BCCIP: variants seen among roughly 807,000 people sequenced by gnomAD.
The protein encoded by BCCIP is BRCA2 and CDKN1A interacting protein.
A neutral mutation model predicts 32.8 loss-of-function variants in BCCIP; 23 were observed. That is an observed-to-expected ratio of 0.70 (90% confidence interval 0.51 to 0.99). BCCIP has a LOEUF of 0.99. Ranked by LOEUF, BCCIP falls within the 50% of genes least tolerant of loss-of-function variation. The pLI is 0.00. For synonymous variants in BCCIP, 144 were observed against 137.6 expected (o/e 1.05, Z -0.33); for missense variants, 378 against 379.8 (o/e 1.00, Z 0.04).
At chr10:125,828,396 T>A (rs1238584207) in intron 3 of BCCIP, among the ~76,000 whole-genome samples, 1 of 151,972 alleles carries the variant, frequency 6.6e-6, no homozygotes, top group South Asian at 2.1e-4. Flanking sequence ...GTCGTAGAAG[T>A]GATTGAGATT....
intron 7 of BCCIP, among the ~76,000 whole-genome samples, chr10:125,851,897 A>C (rs1419809274): frequency 1.4e-5 from 2 of 142,854 alleles, no homozygotes; most frequent in African/African-American, 5.2e-5. Flanking sequence ...CTCCAGTTTG[A>C]GCAACAGAGC....
At chr10:125,834,412 G>C (rs1360261822) in intron 6 of BCCIP, among the ~76,000 whole-genome samples, 1 of 152,100 alleles carries the variant, frequency 6.6e-6, no homozygotes, top group Non-Finnish European at 1.5e-5. Flanking sequence ...CATCCTGCTG[G>C]TGGGATATCT....
chr10:125,827,781 G>A, intron 3 of BCCIP, 143 bp downstream of exon 3: 2 of 551,292 alleles, frequency 3.6e-6, no homozygotes, highest in Non-Finnish European at 6.5e-6. Flanking sequence ...ACCATCCTGG[G>A]CAATATAGCA....
At chr10:125,842,544 C>T (rs1326664561) in exon 7 of BCCIP, 1 of 152,284 alleles carries the variant, frequency 6.6e-6, no homozygotes, top group African/African-American at 2.4e-5. Context: ...CCACCTGACA[C>T]AGCTATACAG....
At chr10:125,830,877 T>G (rs530456022) in intron 4 of BCCIP, among the ~76,000 whole-genome samples, 1 of 152,310 alleles carries the variant, frequency 6.6e-6, no homozygotes, top group South Asian at 2.1e-4. Context: ...CATCTGGCTT[T>G]GCAGTCCTGA....
chr10:125,841,092 G>A, downstream of BCCIP: 4 of 1,439,422 alleles, frequency 2.8e-6, no homozygotes, highest in Non-Finnish European at 1.9e-6. Flanking sequence ...TTAGTGGCAT[G>A]GCTCCTGTCT....
intron 7 of BCCIP, among the ~76,000 whole-genome samples, chr10:125,850,808 G>A (rs1273224847): frequency 1.3e-5 from 2 of 152,190 alleles, no homozygotes; most frequent in African/African-American, 2.4e-5. Flanking sequence ...ACCAAAATGA[G>A]TTCTGCCTCT....
At chr10:125,850,358 T>TTTC (rs1564825656) in intron 7 of BCCIP, among the ~76,000 whole-genome samples, 1 of 147,444 alleles carries the variant, frequency 6.8e-6, no homozygotes, top group Non-Finnish European at 1.5e-5. Flanking sequence ...TTCTTTCTTT[T>TTTC]TTTTTTTTTT....
At chr10:125,853,434 TAATA>T in exon 8 of BCCIP, 1 of 319,590 alleles carries the variant, frequency 3.1e-6, no homozygotes, top group Non-Finnish European at 5.6e-6. Context: ...AATTTAAAAG[TAATA>T]AAGAATATTT....
chr10:125,840,136 C>G (rs767554810), downstream of BCCIP, among the ~76,000 whole-genome samples: 1 of 152,238 alleles, frequency 6.6e-6, no homozygotes, highest in African/African-American at 2.4e-5. Context: ...AGGGACCTTA[C>G]TGGCTGCCCT....
chr10:125,826,443 G>C, intron 1 of BCCIP, 148 bp from the exon 2 acceptor site: 1 of 1,277,878 alleles, frequency 7.8e-7, no homozygotes, highest in Non-Finnish European at 1.0e-6. Flanking sequence ...TGAGTGTTTT[G>C]TTTTCTCAGG....
At chr10:125,824,708 C>T (rs924714114) in intron 1 of BCCIP, among the ~76,000 whole-genome samples, 2 of 152,188 alleles carry the variant, frequency 1.3e-5, no homozygotes, top group Admixed American at 6.5e-5. Flanking sequence ...TTTTTGTTCC[C>T]CTACAATCAG....
intron 1 of BCCIP, chr10:125,825,860 G>A (rs1358703819): frequency 6.6e-6 from 1 of 152,242 alleles, no homozygotes; most frequent in African/African-American, 2.4e-5. Flanking sequence ...TCTAGATTCT[G>A]TTGTCTTGCA....
chr10:125,823,893 T>C (rs559888799), intron 1 of BCCIP, among the ~76,000 whole-genome samples, 171 bp downstream of exon 1: 1 of 152,290 alleles, frequency 6.6e-6, no homozygotes, highest in Non-Finnish European at 1.5e-5. Context: ...ACTGCAGCCA[T>C]AGTAGTTATT....
At chr10:125,851,937 AAAAAG>A (rs796600155) in intron 7 of BCCIP, among the ~76,000 whole-genome samples, 3 of 151,364 alleles carry the variant, frequency 2.0e-5, no homozygotes, top group Admixed American at 6.6e-5. Context: ...AAAAAAAAAA[AAAAAG>A]AAAAGAAAAA....
intron 5 of BCCIP, among the ~76,000 whole-genome samples, chr10:125,832,816 T>A (rs1447186831): frequency 1.5e-5 from 2 of 134,100 alleles, no homozygotes; most frequent in African/African-American, 2.7e-5. Flanking sequence ...TTTTTTTTCT[T>A]TTTTTTTTTT....
intron 3 of BCCIP, 75 bp from the exon 4 acceptor site, chr10:125,830,487 A>G: frequency 3.2e-6 from 3 of 931,840 alleles, no homozygotes; most frequent in Non-Finnish European, 3.1e-6. Flanking sequence ...AATGAGGCCT[A>G]CATCCCAAGA....
chr10:125,825,702 A>C lies in BCCIP; in HGVS notation c.166-889A>C, dbSNP rs1264711098. ...TAAGACCTAAATTCTGAAACCGTTA[A>C]AACCTGAAGTGCCTTTAAATATATT... is the stretch of plus-strand genomic sequence containing the variant. On this transcript the variant is annotated intron_variant, in intron 1 of 6. Coordinates refer to ENST00000278100, the MANE Select transcript of BCCIP (RefSeq NM_078468.3). 2.6e-5 allele frequency: 4 copies of C among 152,232 alleles called. No homozygotes were observed. The East Asian group carries it at 7.7e-4, about 29-fold the overall frequency. 9.4% of individuals were successfully genotyped at this position (152,232 alleles called of 1,614,324 possible). A position where few individuals can be genotyped will look rare whatever the true frequency, so the allele number is the denominator to read the frequency against.
intron 7 of BCCIP, chr10:125,852,419 C>A: frequency 6.2e-7 from 1 of 1,614,162 alleles, no homozygotes; most frequent in Non-Finnish European, 8.5e-7. Context: ...TCTTTGGAGG[C>A]AAATTCTTCA....
Sources: allele counts gnomAD v4.1 joint callset (sites outside exome capture counted in the v4.1 genomes callset), GRCh38; gene constraint gnomAD v4.1.1; transcripts MANE v1.5; gene names NCBI Gene and HGNC (gene_info 2026-07-23, HGNC 2026-07-21).